The following PRDM2 variants were observed in gnomAD, a reference collection of about 807,000 sequenced individuals.
PRDM2 encodes PR/SET domain 2.
In PRDM2, 30 loss-of-function variants were observed where a neutral mutation model predicts 130.0. The ratio of observed to expected loss-of-function variants is 0.23; its 90% CI spans 0.17 to 0.31. PRDM2 has a LOEUF of 0.31. Among genes scored for constraint, PRDM2 ranks in the 10% least tolerant of loss-of-function variants. The pLI, the probability that PRDM2 is intolerant of heterozygous loss-of-function variation, is 1.00. For synonymous variants in PRDM2, 871 were observed against 782.4 expected (o/e 1.11, Z -1.89); for missense variants, 2,011 against 2,108.4 (o/e 0.95, Z 0.90).
intron 7 of PRDM2, among the ~76,000 whole-genome samples, chr1:13,774,004 A>G (rs1337736934): frequency 1.3e-5 from 2 of 152,268 alleles, no homozygotes; most frequent in Non-Finnish European, 2.9e-5. Flanking sequence ...TAACAGAACA[A>G]AAAGTATACA....
At chr1:13,726,946 ATCTGCTC>A (rs545353750) in intron 2 of PRDM2, among the ~76,000 whole-genome samples, 123 of 152,202 alleles carry the variant, frequency 8.1e-4, no homozygotes, top group African/African-American at 1.5e-3. Flanking sequence ...GGAGCTTGCG[ATCTGCTC>A]TCTGCTCTCT....
chr1:13,710,045 T>C (rs1642321801), intron 1 of PRDM2, among the ~76,000 whole-genome samples: 2 of 152,242 alleles, frequency 1.3e-5, no homozygotes, highest in South Asian at 4.1e-4. Context: ...CCCACAGATG[T>C]AAACTAATCT....
At chr1:13,793,643 A>G (rs1190299246) in intron 8 of PRDM2, among the ~76,000 whole-genome samples, 1 of 152,182 alleles carries the variant, frequency 6.6e-6, no homozygotes, top group Non-Finnish European at 1.5e-5. Flanking sequence ...AAACACTCCT[A>G]AAGGCTTCTA....
At chr1:13,703,509 T>C (rs1642125691) in intron 1 of PRDM2, among the ~76,000 whole-genome samples, 2 of 152,376 alleles carry the variant, frequency 1.3e-5, no homozygotes, top group South Asian at 2.1e-4. Context: ...ACTTCAGGTC[T>C]GTCCACGTTC....
intron 2 of PRDM2, among the ~76,000 whole-genome samples, chr1:13,724,124 A>G (rs1363207670): frequency 6.6e-6 from 1 of 152,176 alleles, no homozygotes; most frequent in Middle Eastern, 3.2e-3. Flanking sequence ...TACAAATGCA[A>G]ATTGGCCCCT....
At chr1:13,730,581 G>A (rs928611102) in intron 2 of PRDM2, among the ~76,000 whole-genome samples, 1 of 152,242 alleles carries the variant, frequency 6.6e-6, no homozygotes, top group Non-Finnish European at 1.5e-5. Flanking sequence ...TTTGTGGTGT[G>A]TGCTGAAAGC....
Position 13,781,925 on chromosome 1 carries a change from T to G in PRDM2, c.4130T>G (p.Val1377Gly). ...AACCCAGTACCATTAAAACAAACTG[T>G]GCAACCCAAAAATGGCGTGGTGGTT... ...KKNPVPLKQT[V>G]QPKNGVVVLD... is the part of the protein sequence containing the mutation. Residue 1377 changes from valine to glycine, a missense_variant, in exon 8 of 10, where the codon GTG (valine) becomes GGG (glycine). By Grantham distance (109) the Val-to-Gly change is moderately radical. Around this residue, in one of 5 missense-constraint regions of PRDM2, gnomAD observed 229 missense variants for 364.1 expected, o/e 0.63. Transcript: ENST00000311066. The surrounding 1 kb of genome is among the most constrained non-coding windows in gnomAD (Gnocchi z 6.1). 1 of 1,614,146 alleles carries G rather than the reference T, an allele frequency of 6.2e-7. No individual in the cohort carries two copies. The highest frequency in any genetic ancestry group is 8.5e-7 in the Non-Finnish European group (1 of 1,180,026).
intron 9 of PRDM2, among the ~76,000 whole-genome samples, chr1:13,822,086 T>A (rs1175271707): frequency 2.0e-5 from 3 of 152,148 alleles, no homozygotes; most frequent in Non-Finnish European, 4.4e-5. Context: ...GGAAAACTGT[T>A]TGGCAGTGTT....
intron 1 of PRDM2, among the ~76,000 whole-genome samples, chr1:13,714,338 C>CT (rs550641481): frequency 0.07 from 9,681 of 138,054 alleles, 420 homozygotes; most frequent in South Asian, 0.14. Context: ...AATTCTCTGG[C>CT]TTTTTTTTTT....
Position 13,771,566 on chromosome 1 carries a change from C to T in PRDM2, c.512-1512C>T, listed in dbSNP as rs1644360911. Among the ~76,000 whole-genome samples the T allele has an allele frequency of 6.6e-6, 1 of 152,108 alleles. No homozygotes were observed. The highest frequency in any genetic ancestry group is 2.1e-4 in the South Asian group (1 of 4,822). On this transcript the variant is annotated intron_variant, in intron 6 of 9. Transcript: ENST00000311066. The surrounding 1 kb of genome is among the most constrained non-coding windows in gnomAD (Gnocchi z 4.1). ...CTAAGATGGTGAAACCCCGTCTCTA[C>T]TAAAATACGAAAAATTAGCCGGGCG...
At chr1:13,795,753 C>G (rs541104564) in intron 8 of PRDM2, among the ~76,000 whole-genome samples, 5 of 152,320 alleles carry the variant, frequency 3.3e-5, no homozygotes, top group African/African-American at 1.2e-4. Context: ...ATCCCTCCAG[C>G]TTTGTTAGAG....
chr1:13,733,092 A>G (rs1265179509), intron 4 of PRDM2, among the ~76,000 whole-genome samples: 1 of 152,186 alleles, frequency 6.6e-6, no homozygotes, highest in African/African-American at 2.4e-5. Flanking sequence ...GCTGTCCTCA[A>G]CAATAAATGT....
intron 8 of PRDM2, among the ~76,000 whole-genome samples, chr1:13,794,690 A>G (rs961138042): frequency 6.6e-6 from 1 of 152,224 alleles, no homozygotes; most frequent in Non-Finnish European, 1.5e-5. Context: ...AGTGCTGTCA[A>G]CGTCAGCTGC....
intron 4 of PRDM2, among the ~76,000 whole-genome samples, chr1:13,740,518 C>T (rs557851072): frequency 3.9e-5 from 6 of 152,272 alleles, no homozygotes; most frequent in East Asian, 1.9e-4. Context: ...GTACCTGTTA[C>T]GCAGTAGGTG....
At chr1:13,705,035 G>T (rs935167023) in intron 1 of PRDM2, 1 of 152,170 alleles carries the variant, frequency 6.6e-6, no homozygotes, top group Non-Finnish European at 1.5e-5. Context: ...TAGAAGGCAG[G>T]TCAGCTCACC....
chr1:13,701,487 A>G (rs1242199626), intron 1 of PRDM2, among the ~76,000 whole-genome samples: 1 of 152,186 alleles, frequency 6.6e-6, no homozygotes, highest in African/African-American at 2.4e-5. Context: ...TAGGAAATTT[A>G]CATATATTAA....
Position 13,780,732 on chromosome 1 carries a change from A to G in PRDM2, c.2937A>G (p.Val979=). 1 of 1,469,134 alleles carries G rather than the reference A, an allele frequency of 6.8e-7. No homozygotes were observed. 91.0% of individuals were successfully genotyped at this position (1,469,134 alleles called of 1,614,324 possible). The change falls in exon 8 of 10, where the codon GTA becomes GTG. Residue 979 remains valine, a synonymous_variant. Transcript: ENST00000311066. ...DPSSPPPCPP[V]LTVATPPPPL... Reference sequence around the variant, plus strand: ...CTTCCCCTCCACCCTGTCCCCCGGTATTAACTGTTGCCACTCCGCCCCCTC... The same window carrying G: ...CTTCCCCTCCACCCTGTCCCCCGGTGTTAACTGTTGCCACTCCGCCCCCTC...
At chr1:13,711,376 G>C (rs1642365276) in intron 1 of PRDM2, among the ~76,000 whole-genome samples, 1 of 41,930 alleles carries the variant, frequency 2.4e-5, no homozygotes, top group Non-Finnish European at 4.1e-5. Flanking sequence ...AGATGCTGTA[G>C]TTGCTTTAGT....
chr1:13,783,296 C>CT, intron 8 of PRDM2: 2 of 383,400 alleles, frequency 5.2e-6, no homozygotes, highest in Non-Finnish European at 1.0e-5. Context: ...GTACCTGACA[C>CT]TTTCTTTCAG....
Sources: gnomAD v4.1 joint callset for allele counts (sites outside exome capture counted in the v4.1 genomes callset) on GRCh38, gnomAD v4.1.1 for gene constraint, gnomAD v4.1.1 regional missense constraint, Gnocchi (gnomAD v3.1) non-coding constraint, MANE v1.5 for transcripts, NCBI Gene and HGNC (gene_info 2026-07-23, HGNC 2026-07-21) for gene names.